Variants in COG4 observed in about 807,000 individuals in gnomAD.
COG4 encodes the protein component of oligomeric golgi complex 4.
In COG4, 65 loss-of-function variants were observed where a neutral mutation model predicts 95.1. The ratio of observed to expected loss-of-function variants is 0.68; its 90% CI spans 0.56 to 0.84. COG4 has a LOEUF of 0.84. Ranked by LOEUF, COG4 falls within the 40% of genes least tolerant of loss-of-function variation. The pLI is 0.00. For synonymous variants in COG4, 421 were observed against 374.8 expected (o/e 1.12, Z -1.42); for missense variants, 1,045 against 989.1 (o/e 1.06, Z -0.76).
chr16:70,483,758 C>G (rs1221856120), intron 14 of COG4, 95 bp downstream of exon 14: 26 of 982,936 alleles, frequency 2.6e-5, no homozygotes, highest in Non-Finnish European at 3.8e-5. Flanking sequence ...CTCACCCGTC[C>G]TCCTGGCTTC....
intron 13 of COG4, among the ~76,000 whole-genome samples, chr16:70,488,600 T>C (rs1475549268): frequency 6.6e-6 from 1 of 151,924 alleles, no homozygotes; most frequent in East Asian, 1.9e-4. Flanking sequence ...CAGGCTGGAG[T>C]GCAGTGACGC....
At position 70,482,191 on chromosome 16, in the gene COG4, A is replaced by C; in HGVS notation, c.1921-16T>G. 2 of 1,569,884 alleles carry C rather than the reference A, an allele frequency of 1.3e-6. No homozygotes were observed. Among genetic ancestry groups the C allele is most frequent in the South Asian group, 1.1e-5 (1 of 90,118 alleles). ...TGAATTCTTCCTGTTGTCAGGAAGCAGGGCTGGTCACCATGGGCCTCATAA... is the reference window on the plus strand; with the variant it reads ...TGAATTCTTCCTGTTGTCAGGAAGCCGGGCTGGTCACCATGGGCCTCATAA... On this transcript the variant is annotated splice_polypyrimidine_tract_variant and intron_variant, in intron 15 of 18. Transcript: ENST00000323786.
chr16:70,511,159 C>T (rs2049695454), intron 5 of COG4, among the ~76,000 whole-genome samples: 1 of 152,214 alleles, frequency 6.6e-6, no homozygotes, highest in Non-Finnish European at 1.5e-5. Context: ...AGTGGTTCTT[C>T]TTCTAACCTG....
At chr16:70,514,570 A>T (rs2049784105) in intron 3 of COG4, 61 bp from the exon 4 acceptor site, 1 of 1,456,218 alleles carries the variant, frequency 6.9e-7, no homozygotes, top group Admixed American at 1.7e-5. Flanking sequence ...CCCCTCAAGA[A>T]GGTAGGGAGA....
chr16:70,494,313 C>T (rs1032555326), intron 12 of COG4, among the ~76,000 whole-genome samples: 6 of 152,262 alleles, frequency 3.9e-5, no homozygotes, highest in Admixed American at 2.6e-4. Context: ...ACTGACAGCC[C>T]TAGTAAGCGT....
intron 13 of COG4, among the ~76,000 whole-genome samples, chr16:70,484,500 C>G (rs746353482): frequency 2.2e-4 from 34 of 152,160 alleles, no homozygotes; most frequent in Non-Finnish European, 1.5e-4. Flanking sequence ...AAGTCAGTTT[C>G]TGCTTCTTAA....
rs201263573 is a variant in COG4 at position 70,519,642 on chromosome 16, G to T, written c.254+7C>A. 1 of 1,602,568 alleles carries T rather than the reference G, an allele frequency of 6.2e-7. No homozygotes were observed. Among genetic ancestry groups the T allele is most frequent in the South Asian group, 1.1e-5 (1 of 90,782 alleles). The stretch of plus-strand genomic sequence containing the variant: ...ACATTAGCTCTTGCTGAGATGCACA[G>T]ACTCACCCCATTCGGTGGAGAGTGA... On this transcript the variant is annotated splice_region_variant and intron_variant, in intron 2 of 18. Coordinates refer to ENST00000323786, the MANE Select transcript of COG4 (RefSeq NM_015386.3).
rs539555347 is a variant in COG4, at chr16:70,512,683, A to G, written c.545-251T>C. Among the ~76,000 whole-genome samples the G allele has an allele frequency of 1.1e-3, 160 of 152,318 alleles. 2 individuals are homozygous for G. The highest frequency in any genetic ancestry group is 3.9e-4 in the East Asian group (2 of 5,184). On this transcript the variant is annotated intron_variant, in intron 4 of 18. Coordinates refer to ENST00000323786, the MANE Select transcript of COG4 (RefSeq NM_015386.3). The stretch of plus-strand genomic sequence containing the variant: ...TGAAATACAGTACATGATGTGTCAT[A>G]AGAAAGGTGCCAAAGTCCGGGCACG...
chr16:70,512,995 A>C (rs1266271054), intron 4 of COG4, among the ~76,000 whole-genome samples: 1 of 152,252 alleles, frequency 6.6e-6, no homozygotes, highest in African/African-American at 2.4e-5. Flanking sequence ...AAAGGTGTCA[A>C]AAAGTCACAT....
intron 13 of COG4, among the ~76,000 whole-genome samples, chr16:70,487,596 A>G (rs2049164884): frequency 6.6e-6 from 1 of 152,086 alleles, no homozygotes; most frequent in South Asian, 2.1e-4. Flanking sequence ...AAAAACCAAC[A>G]ATGATGACAG....
In COG4 at chr16:70,481,853, G is replaced by C. The variant is rs2049002160; in HGVS notation, c.2017C>G (p.Pro673Ala). ...QMAEFKASLSPVIYDSLTGLM... is the reference protein window; with the variant it reads ...QMAEFKASLSAVIYDSLTGLM... ...CCGGTTAGGCTGTCGTAGATGACCG[G>C]GGACAGGCTGGCCTGCACACAGAGG... Residue 673 changes from proline to alanine, a missense_variant, in exon 17 of 19, where the codon CCG (proline) becomes GCG (alanine). Physicochemically the swap from Pro to Ala is conservative, Grantham distance 27 (BLOSUM62 -1). Transcript: ENST00000323786. 1 of 1,613,612 alleles carries C rather than the reference G, an allele frequency of 6.2e-7. No individual in the cohort carries two copies. The highest frequency in any genetic ancestry group is 8.5e-7 in the Non-Finnish European group (1 of 1,179,852).
chr16:70,493,701 G>T (rs2049289156), intron 12 of COG4, among the ~76,000 whole-genome samples: 1 of 152,258 alleles, frequency 6.6e-6, no homozygotes, highest in East Asian at 1.9e-4. Context: ...CGGGGACTTG[G>T]GTGCTCTGCT....
intron 6 of COG4, 38 bp downstream of exon 6, chr16:70,509,878 C>G (rs1392314255): frequency 2.0e-6 from 3 of 1,484,906 alleles, no homozygotes; most frequent in African/African-American, 1.4e-5. Flanking sequence ...GTGTCATATA[C>G]AGTCTCCAGT....
At chr16:70,508,305 T>C in intron 8 of COG4, 101 bp downstream of exon 8, 1 of 980,430 alleles carries the variant, frequency 1.0e-6, no homozygotes, top group Non-Finnish European at 1.6e-6. Flanking sequence ...TGATAAAATA[T>C]TTTAAAAACA....
At chr16:70,517,364 G>C (rs1471468297) in intron 3 of COG4, among the ~76,000 whole-genome samples, 1 of 151,680 alleles carries the variant, frequency 6.6e-6, no homozygotes, top group Non-Finnish European at 1.5e-5. Context: ...AAGGTGGAAG[G>C]ATAACTTGAG....
chr16:70,506,165 G>A (rs1012352838), intron 8 of COG4, among the ~76,000 whole-genome samples: 5 of 152,004 alleles, frequency 3.3e-5, no homozygotes, highest in Non-Finnish European at 5.9e-5. Context: ...GGGAGGCTGA[G>A]GTGGGTGGAT....
rs752722792 is a variant in COG4 at position 70,523,483 on chromosome 16, A to G, written c.61T>C (p.Ser21Pro). The change falls in exon 1 of 19, where the codon TCT becomes CCT. Residue 21 changes from serine (S) to proline (P), a missense_variant. Coordinates refer to ENST00000323786, the MANE Select transcript of COG4 (RefSeq NM_015386.3). ...PPKLSGVQQP[S>P]EGVGGGRCSE... Reference sequence around the variant, plus strand: ...CAGCGGCCACCTCCCACCCCCTCAGACGGCTGCTGCACCCCTGACAGCTTC... The same window carrying G: ...CAGCGGCCACCTCCCACCCCCTCAGGCGGCTGCTGCACCCCTGACAGCTTC... The G allele has an allele frequency of 1.9e-6, 3 of 1,613,772 alleles. No individual in the cohort carries two copies. The highest frequency in any genetic ancestry group is 2.7e-5 in the African/African-American group (2 of 74,832).
chr16:70,514,350 G>A lies in COG4; in HGVS notation c.529C>T (p.Arg177Ter), dbSNP rs376663459. 8 of 1,613,870 alleles carry A rather than the reference G, an allele frequency of 5.0e-6. No homozygotes were observed. The highest frequency in any genetic ancestry group is 1.3e-5 in the African/African-American group (1 of 74,836). ...GGATGCTGACCCTCTTTGCCCTGTC[G>A]GCTGAGCTCAATGACCGACTTGTCC... ...CLDKSVIELS[R>*]QGKEGSMIDA... The change falls in exon 4 of 19, where the codon CGA (arginine) becomes TGA (stop). Residue 177 changes from arginine to a stop codon, truncating the protein, a stop_gained. Transcript: ENST00000323786. LOFTEE classifies it high-confidence loss of function.
At chr16:70,506,618 C>CAAAAAAA (rs1212409898) in intron 8 of COG4, among the ~76,000 whole-genome samples, 6 of 59,910 alleles carry the variant, frequency 1.0e-4, no homozygotes, top group South Asian at 8.5e-4. Flanking sequence ...AAAAAAAAAA[C>CAAAAAAA]AAAAAAAAAA....
Sources: gnomAD v4.1 joint callset for allele counts (sites outside exome capture counted in the v4.1 genomes callset) on GRCh38, gnomAD v4.1.1 for gene constraint, MANE v1.5 for transcripts, NCBI Gene and HGNC (gene_info 2026-07-23, HGNC 2026-07-21) for gene names.